Variants in GOLM2 observed in about 807,000 individuals in gnomAD.
The protein encoded by GOLM2 is protein GOLM2.
GOLM2 carries 26 observed loss-of-function variants against 55.9 expected under a neutral mutation model. The ratio of observed to expected loss-of-function variants is 0.47; its 90% CI spans 0.34 to 0.65. GOLM2 has a LOEUF of 0.65. Ranked by LOEUF, GOLM2 falls within the 30% of genes least tolerant of loss-of-function variation. The pLI is 0.01. For synonymous variants in GOLM2, 165 were observed against 194.6 expected (o/e 0.85, Z 1.27); for missense variants, 486 against 531.8 (o/e 0.91, Z 0.85).
At chr15:44,403,980 C>A (rs2079582203) in intron 9 of GOLM2, among the ~76,000 whole-genome samples, 1 of 152,280 alleles carries the variant, frequency 6.6e-6, no homozygotes, top group East Asian at 1.9e-4. Flanking sequence ...GAGCATTTAA[C>A]TTAGTGAAAG....
chr15:44,407,933 C>T (rs1261441383), intron 9 of GOLM2, among the ~76,000 whole-genome samples: 1 of 151,444 alleles, frequency 6.6e-6, no homozygotes, highest in Non-Finnish European at 1.5e-5. Flanking sequence ...TGTATTTTTA[C>T]AAGAGACAGG....
chr15:44,331,316 C>T (rs1488907931), intron 3 of GOLM2, among the ~76,000 whole-genome samples: 1 of 152,136 alleles, frequency 6.6e-6, no homozygotes, highest in African/African-American at 2.4e-5. Flanking sequence ...CCTGCCTAGC[C>T]ACATATAAGA....
At chr15:44,329,108 C>A (rs971847670) in intron 3 of GOLM2, among the ~76,000 whole-genome samples, 7 of 152,126 alleles carry the variant, frequency 4.6e-5, no homozygotes, top group African/African-American at 1.7e-4. Context: ...ATTTGTGATT[C>A]TTTTTGACGG....
At chr15:44,361,121 C>T (rs1307903345) in intron 6 of GOLM2, among the ~76,000 whole-genome samples, 2 of 150,000 alleles carry the variant, frequency 1.3e-5, no homozygotes, top group African/African-American at 4.9e-5. Context: ...AAAATTGACA[C>T]CCTAACATCA....
intron 1 of GOLM2, among the ~76,000 whole-genome samples, chr15:44,298,965 A>G (rs540923003): frequency 3.3e-5 from 5 of 152,340 alleles, no homozygotes; most frequent in African/African-American, 1.2e-4. Flanking sequence ...CACCAGGTGC[A>G]TGAATACACA....
At chr15:44,405,443 G>C (rs2079591128) in intron 9 of GOLM2, 1 of 152,136 alleles carries the variant, frequency 6.6e-6, no homozygotes, top group Non-Finnish European at 1.5e-5. Flanking sequence ...AGGAACATCA[G>C]CTCCAACAAA....
chr15:44,295,975 A>T (rs1264147335), intron 1 of GOLM2, among the ~76,000 whole-genome samples: 1 of 150,244 alleles, frequency 6.7e-6, no homozygotes, highest in Non-Finnish European at 1.5e-5. Flanking sequence ...CTCTTTTATC[A>T]GAAAAGTCCT....
At chr15:44,386,075 A>G (rs891268977) in intron 8 of GOLM2, among the ~76,000 whole-genome samples, 34 of 152,244 alleles carry the variant, frequency 2.2e-4, no homozygotes, top group African/African-American at 7.9e-4. Context: ...GTTTTTGTTC[A>G]TACTTTGAGT....
rs758283047 is a variant in GOLM2 at position 44,414,711 on chromosome 15, A to C, written c.*1305A>C. ...TTAATGCACAGATAAATAGAAGTAC[A>C]GTGAGGTCTATAGCCATTTTATTAA... On this transcript the variant is annotated 3_prime_UTR_variant, in exon 10 of 10. Transcript: ENST00000299957. 28 of 152,470 alleles carry C rather than the reference A, an allele frequency of 1.8e-4. No individual in the cohort carries two copies. Among genetic ancestry groups the C allele is most frequent in the Non-Finnish European group, 3.1e-4 (21 of 68,042 alleles). 9.4% of individuals were successfully genotyped at this position (152,470 alleles called of 1,614,324 possible). A position where few individuals can be genotyped will look rare whatever the true frequency, so the allele number is the denominator to read the frequency against.
At chr15:44,301,526 T>C (rs1398415341) in intron 1 of GOLM2, among the ~76,000 whole-genome samples, 1 of 152,114 alleles carries the variant, frequency 6.6e-6, no homozygotes, top group Non-Finnish European at 1.5e-5. Context: ...ATGGTATACA[T>C]TGACTATGGA....
intron 8 of GOLM2, among the ~76,000 whole-genome samples, chr15:44,387,845 G>T (rs768947571): frequency 2.6e-4 from 39 of 151,684 alleles, no homozygotes; most frequent in Non-Finnish European, 4.7e-4. Flanking sequence ...GACACAAAAG[G>T]TCTTTATTTG....
At position 44,414,814 on chromosome 15, in the gene GOLM2, T is replaced by G. The variant is rs532684002; in HGVS notation, c.*1408T>G. 1.7e-3 allele frequency: 255 copies of G among 152,778 alleles called. 1 individual carries two copies. The highest frequency in any genetic ancestry group is 5.9e-3 in the African/African-American group (247 of 41,582). The allele number at this position is 152,778 out of a possible 1,614,324, so 9.5% of individuals were successfully genotyped here. A position where few individuals can be genotyped will look rare whatever the true frequency, so the allele number is the denominator to read the frequency against. On this transcript the variant is annotated 3_prime_UTR_variant, in exon 10 of 10. Coordinates refer to ENST00000299957, the MANE Select transcript of GOLM2 (RefSeq NM_138423.4). ...AGTTAAGAACCCGTCAAGCTTATAT[T>G]TGCTAGACTTACAAATTATTTTAAA...
At chr15:44,308,376 T>C (rs1441109198) in intron 1 of GOLM2, 1 of 152,242 alleles carries the variant, frequency 6.6e-6, no homozygotes, top group East Asian at 1.9e-4. Flanking sequence ...TTCATTTATG[T>C]TGTAGCATGT....
rs145441185 is a variant in GOLM2 at position 44,313,110 on chromosome 15, G to A, written c.328-9855G>A. 7.0e-3 allele frequency among the ~76,000 whole-genome samples: 1,058 copies of A among 151,748 alleles called. 6 individuals carry two copies. The highest frequency in any genetic ancestry group is 0.01 in the Non-Finnish European group (689 of 67,904). On this transcript the variant is annotated intron_variant, in intron 1 of 9. Transcript: ENST00000299957. The stretch of plus-strand genomic sequence containing the variant: ...AAAAAAATACAAAAATTAGCCTGGT[G>A]TGGTGGTGGGCACCTGTAATCCCAG...
intron 8 of GOLM2, among the ~76,000 whole-genome samples, chr15:44,397,122 T>C (rs1354243295): frequency 2.0e-5 from 3 of 152,146 alleles, no homozygotes; most frequent in Non-Finnish European, 4.4e-5. Context: ...GCAGCAGAAC[T>C]GTATTAAAGG....
chr15:44,314,580 A>G (rs1002264574), intron 1 of GOLM2, among the ~76,000 whole-genome samples: 6 of 152,056 alleles, frequency 3.9e-5, no homozygotes, highest in Non-Finnish European at 8.8e-5. Context: ...AAAAAATGTA[A>G]CTGATAACTG....
chr15:44,323,323 C>G (rs546268834), intron 2 of GOLM2, among the ~76,000 whole-genome samples: 2 of 151,960 alleles, frequency 1.3e-5, no homozygotes, highest in Non-Finnish European at 2.9e-5. Context: ...CAGAAGCCAT[C>G]AAATTTCTAG....
intron 2 of GOLM2, among the ~76,000 whole-genome samples, chr15:44,325,570 G>A (rs181737901): frequency 1.1e-3 from 164 of 152,220 alleles, no homozygotes; most frequent in African/African-American, 3.8e-3. Flanking sequence ...CCTTTTTCCC[G>A]AGGAGAATGA....
chr15:44,412,890 C>A (rs2079647668), intron 9 of GOLM2, among the ~76,000 whole-genome samples: 1 of 151,798 alleles, frequency 6.6e-6, no homozygotes, highest in African/African-American at 2.4e-5. Flanking sequence ...GTAGTGCCAG[C>A]TACTTGGGAG....
Sources: gnomAD v4.1 joint callset for allele counts (sites outside exome capture counted in the v4.1 genomes callset) on GRCh38, gnomAD v4.1.1 for gene constraint, MANE v1.5 for transcripts, NCBI Gene and HGNC (gene_info 2026-07-23, HGNC 2026-07-21) for gene names.